PPM1L: variants seen among roughly 807,000 people sequenced by gnomAD.
The protein encoded by PPM1L is protein phosphatase, Mg2+/Mn2+ dependent 1L.
In PPM1L, 13 loss-of-function variants were observed where a neutral mutation model predicts 31.4. The observed-to-expected ratio is 0.41, with a 90% CI of 0.27 to 0.66. PPM1L has a LOEUF of 0.66. PPM1L is among the 30% of genes least tolerant of loss of function. PPM1L has a pLI of 0.29. For missense variants in PPM1L, 326 were observed against 453.7 expected, an observed-to-expected ratio of 0.72 and a Z score of 2.56; for synonymous variants, 184 against 175.4, an observed-to-expected ratio of 1.05 and a Z score of -0.39.
rs1559897100 is a variant in PPM1L, at chr3:160,944,843, A to ATATAACATATATATGT, written c.400-16889_400-16888insACATATATATGTTATA. On this transcript the variant is annotated intron_variant, in intron 1 of 3. Transcript: ENST00000498165. ...ATGTTATATATAACATATATATGTT[A>ATATAACATATATATGT]TATATAACATATATTATATATAATG... 6.0e-3 allele frequency among the ~76,000 whole-genome samples: 152 copies of ATATAACATATATATGT among 25,372 alleles called. 13 individuals are homozygous for ATATAACATATATATGT. The highest frequency in any genetic ancestry group is 0.022 in the African/African-American group (141 of 6,536). 16.6% of individuals were successfully genotyped at this position (25,372 alleles called of 152,430 possible).
chr3:160,856,419 C>G (rs1711706971), intron 1 of PPM1L, among the ~76,000 whole-genome samples: 1 of 152,104 alleles, frequency 6.6e-6, no homozygotes, highest in African/African-American at 2.4e-5. Flanking sequence ...TGCCCATCAA[C>G]CATGGACTGG....
In PPM1L at chr3:161,069,413, G is replaced by A. The variant is rs143712894; in HGVS notation, c.*256G>A. The A allele has an allele frequency of 3.7e-5, 18 of 492,524 alleles. No homozygotes were observed. The highest frequency in any genetic ancestry group is 6.1e-5 in the Non-Finnish European group (17 of 276,642). 30.5% of individuals were successfully genotyped at this position (492,524 alleles called of 1,614,324 possible). On this transcript the variant is annotated 3_prime_UTR_variant, in exon 4 of 4. Coordinates refer to ENST00000498165, the MANE Select transcript of PPM1L (RefSeq NM_139245.4). Reference sequence around the variant, plus strand: ...AGTGTCCAAAATATATAAGTAAATAGCTGTAGAGTCACATATATGAAGTGA... The same window carrying A: ...AGTGTCCAAAATATATAAGTAAATAACTGTAGAGTCACATATATGAAGTGA...
At chr3:160,980,738 AAGAG>A (rs1227940494) in intron 2 of PPM1L, among the ~76,000 whole-genome samples, 11 of 150,898 alleles carry the variant, frequency 7.3e-5, no homozygotes, top group African/African-American at 2.0e-4. Flanking sequence ...GAGAAAAAGA[AAGAG>A]AAAGAAAGAA....
chr3:160,770,204 A>G (rs978671638), intron 1 of PPM1L, among the ~76,000 whole-genome samples: 1 of 152,168 alleles, frequency 6.6e-6, no homozygotes, highest in Non-Finnish European at 1.5e-5. Flanking sequence ...CAGATAATGT[A>G]ATTTTGTCTC....
intron 2 of PPM1L, among the ~76,000 whole-genome samples, chr3:161,063,608 T>C (rs539352122): frequency 2.6e-5 from 4 of 152,324 alleles, no homozygotes; most frequent in Admixed American, 2.6e-4. Flanking sequence ...GAAGACAGTG[T>C]GGCAATTCCT....
At chr3:161,012,527 C>G (rs2108064289) in intron 2 of PPM1L, among the ~76,000 whole-genome samples, 1 of 151,896 alleles carries the variant, frequency 6.6e-6, no homozygotes, top group South Asian at 2.1e-4. Context: ...ATGATGCTGG[C>G]CTCATAAAAT....
At chr3:160,787,761 A>C (rs549444653) in intron 1 of PPM1L, among the ~76,000 whole-genome samples, 1 of 152,126 alleles carries the variant, frequency 6.6e-6, no homozygotes, top group African/African-American at 2.4e-5. Context: ...AATCTATCTT[A>C]AGTTGATTTT....
At chr3:160,897,667 A>T (rs1299669167) in intron 1 of PPM1L, among the ~76,000 whole-genome samples, 1 of 152,236 alleles carries the variant, frequency 6.6e-6, no homozygotes, top group Non-Finnish European at 1.5e-5. Context: ...GTGATCTCAA[A>T]GATACCTCTC....
chr3:160,989,183 C>T (rs1008222853), intron 2 of PPM1L, among the ~76,000 whole-genome samples: 1 of 152,094 alleles, frequency 6.6e-6, no homozygotes, highest in Non-Finnish European at 1.5e-5. Context: ...TAATCTGTTT[C>T]CTTACTTGCT....
chr3:160,954,956 C>CTTCCTTCCTTCCTTCCTTTCCTTTCCT (rs1553749482), intron 1 of PPM1L, among the ~76,000 whole-genome samples: 8 of 77,454 alleles, frequency 1.0e-4, no homozygotes, highest in African/African-American at 5.0e-4. Context: ...TCCTTCCTTC[C>CTTCCTTCCTTCCTTCCTTTCCTTTCCT]TTCCTTTCCT....
In PPM1L at chr3:161,023,620, A is replaced by G. The variant is rs1378471861; in HGVS notation, c.575-41783A>G. Among the ~76,000 whole-genome samples, 8 of 152,296 alleles carry G rather than the reference A, an allele frequency of 5.3e-5. No homozygotes were observed. In the East Asian group the frequency reaches 1.2e-3, roughly 22 times the overall value. On this transcript the variant is annotated intron_variant, in intron 2 of 3. Coordinates refer to ENST00000498165, the MANE Select transcript of PPM1L (RefSeq NM_139245.4). Reference sequence around the variant, plus strand: ...TTTTTTCATTGATACTCTCCATTCAATGAGATATCATCCTTATACTTTCCT... The same window carrying G: ...TTTTTTCATTGATACTCTCCATTCAGTGAGATATCATCCTTATACTTTCCT...
intron 2 of PPM1L, among the ~76,000 whole-genome samples, chr3:160,971,418 T>G (rs1716338428): frequency 6.6e-6 from 1 of 152,106 alleles, no homozygotes; most frequent in Non-Finnish European, 1.5e-5. Flanking sequence ...GGCCCTTAAC[T>G]CCAGGTGCAC....
At chr3:160,883,586 A>G (rs1712798633) in intron 1 of PPM1L, among the ~76,000 whole-genome samples, 1 of 152,112 alleles carries the variant, frequency 6.6e-6, no homozygotes, top group South Asian at 2.1e-4. Context: ...GCAGTGAATT[A>G]GGGCAGAAAA....
chr3:160,839,264 T>TGCGTAGCAAATACACA (rs1713799965), intron 1 of PPM1L, among the ~76,000 whole-genome samples: 1 of 152,232 alleles, frequency 6.6e-6, no homozygotes, highest in African/African-American at 2.4e-5. Context: ...AACTCACTGT[T>TGCGTAGCAAATACACA]TTTACTTAGA....
intron 1 of PPM1L, among the ~76,000 whole-genome samples, chr3:160,761,467 C>G (rs941378720): frequency 2.0e-5 from 3 of 152,132 alleles, no homozygotes; most frequent in African/African-American, 7.2e-5. Context: ...AAATAGTACT[C>G]TATTACCTAT....
At chr3:161,058,011 G>A (rs1008692511) in intron 2 of PPM1L, among the ~76,000 whole-genome samples, 4 of 150,868 alleles carry the variant, frequency 2.7e-5, no homozygotes, top group African/African-American at 9.7e-5. Context: ...GGGCCTGGAG[G>A]TTAATTAATC....
chr3:160,890,419 T>C (rs1713097001), intron 1 of PPM1L, among the ~76,000 whole-genome samples: 1 of 152,060 alleles, frequency 6.6e-6, no homozygotes, highest in Non-Finnish European at 1.5e-5. Context: ...TACCTAGGAA[T>C]ACAGCTAACG....
intron 2 of PPM1L, among the ~76,000 whole-genome samples, chr3:160,996,092 C>T (rs1717313147): frequency 6.6e-6 from 1 of 152,162 alleles, no homozygotes; most frequent in Non-Finnish European, 1.5e-5. Context: ...CAGTGTAATA[C>T]CACCTTACTC....
chr3:160,780,779 A>G (rs1711721692), intron 1 of PPM1L, among the ~76,000 whole-genome samples: 1 of 152,208 alleles, frequency 6.6e-6, no homozygotes, highest in African/African-American at 2.4e-5. Flanking sequence ...ATCAGGTTGT[A>G]GCAGTTCCTG....
Sources: gnomAD v4.1 joint callset for allele counts (sites outside exome capture counted in the v4.1 genomes callset) on GRCh38, gnomAD v4.1.1 for gene constraint, MANE v1.5 for transcripts, NCBI Gene and HGNC (gene_info 2026-07-23, HGNC 2026-07-21) for gene names.